TRIO: variants seen among roughly 807,000 people sequenced by gnomAD.
TRIO encodes trio Rho guanine nucleotide exchange factor.
Under a neutral mutation model 351.9 loss-of-function variants are expected in TRIO, and 58 were observed. That is an observed-to-expected ratio of 0.16 (90% CI 0.13 to 0.21). The LOEUF (loss-of-function observed/expected upper bound fraction) is 0.21. Ranked by LOEUF, TRIO falls within the 10% of genes least tolerant of loss-of-function variation. The probability of loss-of-function intolerance (pLI) is 1.00; values close to 1 mark genes in which losing one functional copy is unlikely to be tolerated. For synonymous variants in TRIO, 1,758 were observed against 1,595.7 expected, an observed-to-expected ratio of 1.10 and a Z score of -2.42; for missense variants, 3,201 against 4,027.8, an observed-to-expected ratio of 0.79 and a Z score of 5.56.
At chr5:14,148,272 G>T (rs534607988) in intron 1 of TRIO, among the ~76,000 whole-genome samples, 3 of 152,288 alleles carry the variant, frequency 2.0e-5, no homozygotes, top group African/African-American at 7.2e-5. Context: ...TGTAATTTCA[G>T]TGGCCTTTTT....
At chr5:14,258,738 C>T (rs1795167889) in intron 1 of TRIO, among the ~76,000 whole-genome samples, 1 of 152,204 alleles carries the variant, frequency 6.6e-6, no homozygotes, top group Admixed American at 6.5e-5. Context: ...GCCCCAGTAC[C>T]AGCCCAGTTG....
At chr5:14,212,467 C>T (rs1791970043) in intron 1 of TRIO, among the ~76,000 whole-genome samples, 1 of 152,184 alleles carries the variant, frequency 6.6e-6, no homozygotes. Context: ...CCTGCTCAAA[C>T]GTGCAGATGC....
chr5:14,446,960 G>A (rs762209482), intron 34 of TRIO, among the ~76,000 whole-genome samples: 6 of 152,208 alleles, frequency 3.9e-5, no homozygotes, highest in Non-Finnish European at 8.8e-5. Context: ...GCTGGGCGTG[G>A]TGGCTCACAC....
In TRIO at chr5:14,481,103, A is replaced by T. The variant is rs559438863; in HGVS notation, c.6337-131A>T. 7.1e-5 allele frequency: 64 copies of T among 905,612 alleles called. No homozygotes were observed. In the Middle Eastern group the frequency reaches 8.1e-4, roughly 11 times the overall value. 56.1% of individuals were successfully genotyped at this position (905,612 alleles called of 1,614,324 possible). A position where few individuals can be genotyped will look rare whatever the true frequency, so the allele number is the denominator to read the frequency against. On this transcript the variant is annotated intron_variant, in intron 43 of 56. Coordinates refer to ENST00000344204, the MANE Select transcript of TRIO (RefSeq NM_007118.4). ...CTACTCAGGAGGCCAAAGCAAGAGG[A>T]TCACTTGAGGCCAGGAGTTCAAGAC...
intron 1 of TRIO, among the ~76,000 whole-genome samples, chr5:14,225,797 C>CCA (rs1554036811): frequency 7.5e-6 from 1 of 132,768 alleles, no homozygotes; most frequent in African/African-American, 3.3e-5. Flanking sequence ...CTCCCACCCC[C>CCA]CCCCCCACCT....
intron 55 of TRIO, among the ~76,000 whole-genome samples, chr5:14,506,083 C>G (rs561273325): frequency 6.6e-6 from 1 of 152,310 alleles, no homozygotes; most frequent in African/African-American, 2.4e-5. Context: ...CTGGGAGCCT[C>G]AGGACCCGGG....
intron 8 of TRIO, among the ~76,000 whole-genome samples, chr5:14,307,664 A>T (rs1312628378): frequency 3.3e-5 from 5 of 152,200 alleles, no homozygotes; most frequent in South Asian, 2.1e-4. Flanking sequence ...GGCACCATTT[A>T]AAAAATTAGT....
chr5:14,326,451 G>A (rs1740394124), intron 9 of TRIO, among the ~76,000 whole-genome samples: 1 of 152,182 alleles, frequency 6.6e-6, no homozygotes, highest in Non-Finnish European at 1.5e-5. Context: ...CGTGACCTTG[G>A]GACTGTTGTT....
At chr5:14,329,573 T>C (rs1740716761) in intron 9 of TRIO, among the ~76,000 whole-genome samples, 1 of 152,198 alleles carries the variant, frequency 6.6e-6, no homozygotes, top group Non-Finnish European at 1.5e-5. Flanking sequence ...GTTTATAAAT[T>C]ACTCAGTCTA....
intron 33 of TRIO, among the ~76,000 whole-genome samples, chr5:14,407,349 T>G (rs1748816408): frequency 6.6e-6 from 1 of 152,192 alleles, no homozygotes; most frequent in Non-Finnish European, 1.5e-5. Flanking sequence ...CAGGGCCAGT[T>G]AAGCAGGTCT....
intron 53 of TRIO, among the ~76,000 whole-genome samples, chr5:14,501,349 T>G (rs1024120080): frequency 1.6e-4 from 25 of 152,182 alleles, no homozygotes; most frequent in African/African-American, 5.8e-4. Flanking sequence ...TTGGTTTAAG[T>G]GATTGACGTG....
intron 1 of TRIO, among the ~76,000 whole-genome samples, chr5:14,228,423 A>G (rs1290718466): frequency 6.6e-6 from 1 of 152,240 alleles, no homozygotes; most frequent in Non-Finnish European, 1.5e-5. Flanking sequence ...TCAGAGGACA[A>G]ATGGCTTGAG....
rs1412634820 is a variant in TRIO at position 14,381,235 on chromosome 5, T to G, written c.3553T>G (p.Phe1185Val). The change falls in exon 21 of 57, where the codon TTC becomes GTC. Residue 1185 changes from phenylalanine (F) to valine (V), a missense_variant. Phe to Val is a conservative substitution (Grantham distance 50). Around this residue, in one of 19 missense-constraint regions of TRIO, gnomAD observed 201 missense variants for 266.5 expected, o/e 0.75. Transcript: ENST00000344204. ...TQELLKEHEEFQITAKQTKER... is the reference protein window; with the variant it reads ...TQELLKEHEEVQITAKQTKER... Reference sequence around the variant, plus strand: ...GGAGCTCCTGAAAGAGCACGAGGAGTTCCAGATAACTGCAAAGGTGGGTTC... The same window carrying G: ...GGAGCTCCTGAAAGAGCACGAGGAGGTCCAGATAACTGCAAAGGTGGGTTC... 6.2e-7 allele frequency: 1 copy of G among 1,611,784 alleles called. No individual in the cohort carries two copies. The highest frequency in any genetic ancestry group is 1.1e-5 in the South Asian group (1 of 90,590).
intron 33 of TRIO, among the ~76,000 whole-genome samples, chr5:14,411,340 T>C (rs1185269890): frequency 6.6e-6 from 1 of 152,166 alleles, no homozygotes; most frequent in Non-Finnish European, 1.5e-5. Flanking sequence ...ATAGAAAACA[T>C]GGAACTCAAA....
chr5:14,203,651 G>A (rs1319996129), intron 1 of TRIO, among the ~76,000 whole-genome samples: 1 of 152,216 alleles, frequency 6.6e-6, no homozygotes, highest in African/African-American at 2.4e-5. Flanking sequence ...TGTCCGGTGT[G>A]GCGTTCAGTG....
intron 1 of TRIO, among the ~76,000 whole-genome samples, chr5:14,166,775 T>C (rs1376546026): frequency 6.6e-6 from 1 of 152,232 alleles, no homozygotes; most frequent in East Asian, 1.9e-4. Flanking sequence ...TGGTGTAATG[T>C]CCTCTCCAGT....
chr5:14,481,900 G>A (rs909702546), intron 45 of TRIO: 15 of 359,486 alleles, frequency 4.2e-5, no homozygotes, highest in Non-Finnish European at 6.4e-5. Context: ...AGTACTGTAA[G>A]AGCTGAGTTT....
chr5:14,398,497 G>C (rs1561441059), intron 29 of TRIO, among the ~76,000 whole-genome samples: 1 of 152,108 alleles, frequency 6.6e-6, no homozygotes. Flanking sequence ...GTAGGTGGGG[G>C]CTTAGAGGAG....
rs568200753 is a variant in TRIO at position 14,424,291 on chromosome 5, A to G, written c.5203+4270A>G. ...TTACACCAACCCATCATGTGATGAC[A>G]GGTGGCCTTTTTGCTTGTGCTTTCA... On this transcript the variant is annotated intron_variant, in intron 34 of 56. Coordinates refer to ENST00000344204, the MANE Select transcript of TRIO (RefSeq NM_007118.4). Among the ~76,000 whole-genome samples, 4 of 152,284 alleles carry G rather than the reference A, an allele frequency of 2.6e-5. No individual in the cohort carries two copies. The East Asian group carries it at 7.7e-4, about 29-fold the overall frequency.
Sources: gnomAD v4.1 joint callset for allele counts (sites outside exome capture counted in the v4.1 genomes callset) on GRCh38, gnomAD v4.1.1 for gene constraint, gnomAD v4.1.1 regional missense constraint, MANE v1.5 for transcripts, NCBI Gene and HGNC (gene_info 2026-07-23, HGNC 2026-07-21) for gene names.